The following INPP4B variants were observed in gnomAD, a reference collection of about 807,000 sequenced individuals.
INPP4B encodes the protein inositol polyphosphate-4-phosphatase type II B.
Under a neutral mutation model 122.5 loss-of-function variants are expected in INPP4B, and 55 were observed. That is an observed-to-expected ratio of 0.45 (90% CI 0.36 to 0.56). INPP4B has a LOEUF of 0.56. Among genes scored for constraint, INPP4B ranks in the 20% least tolerant of loss-of-function variants. The pLI, the probability that INPP4B is intolerant of heterozygous loss-of-function variation, is 0.00. For missense variants in INPP4B, 1,000 were observed against 1,097.7 expected, an observed-to-expected ratio of 0.91 and a Z score of 1.26; for synonymous variants, 403 against 388.7, an observed-to-expected ratio of 1.04 and a Z score of -0.43.
rs183990946 is a variant in INPP4B at position 142,098,368 on chromosome 4, A to C, written c.2374+9725T>G. Among the ~76,000 whole-genome samples, 65 of 152,254 alleles carry C rather than the reference A, an allele frequency of 4.3e-4. No individual in the cohort carries two copies. The Middle Eastern group carries it at 0.017, about 40-fold the overall frequency. ...CAAACAACAACAACAACAACAAAAA[A>C]AAAACTAACAACATTGGGGGTTACT... On this transcript the variant is annotated intron_variant, in intron 23 of 25. Coordinates refer to ENST00000262992, the MANE Select transcript of INPP4B (RefSeq NM_001101669.3).
chr4:142,142,291 A>G (rs1394252271), intron 18 of INPP4B, among the ~76,000 whole-genome samples: 1 of 152,166 alleles, frequency 6.6e-6, no homozygotes, highest in Non-Finnish European at 1.5e-5. Flanking sequence ...CACAGAAACA[A>G]GAAATTACAA....
intron 7 of INPP4B, among the ~76,000 whole-genome samples, chr4:142,358,650 T>TTAAA (rs71586284): frequency 8.5e-6 from 1 of 117,654 alleles, no homozygotes; most frequent in African/African-American, 3.3e-5. Flanking sequence ...CAGTGATTTA[T>TTAAA]AAAAAAAAAA....
chr4:142,254,641 G>A (rs921293471), intron 11 of INPP4B, among the ~76,000 whole-genome samples: 3 of 151,894 alleles, frequency 2.0e-5, no homozygotes, highest in Admixed American at 6.6e-5. Context: ...AAGTGAGAAG[G>A]GAAGTTTAGA....
chr4:142,146,941 T>C (rs920990045), intron 17 of INPP4B, among the ~76,000 whole-genome samples: 12 of 152,206 alleles, frequency 7.9e-5, no homozygotes, highest in Non-Finnish European at 1.5e-4. Flanking sequence ...TGCAACTTAA[T>C]TCTTTGATTC....
At chr4:142,702,730 C>CAAAAA (rs35472471) in intron 2 of INPP4B, among the ~76,000 whole-genome samples, 31 of 64,288 alleles carry the variant, frequency 4.8e-4, no homozygotes, top group East Asian at 9.8e-4. Flanking sequence ...AACTCCGTCT[C>CAAAAA]AAAAAAAAAA....
chr4:142,810,029 T>C (rs969974426), intron 1 of INPP4B, among the ~76,000 whole-genome samples: 4 of 151,562 alleles, frequency 2.6e-5, no homozygotes, highest in African/African-American at 9.7e-5. Context: ...AATTAGCTGG[T>C]CATGGTGGTG....
intron 2 of INPP4B, among the ~76,000 whole-genome samples, chr4:142,687,427 A>T (rs1206045316): frequency 2.0e-5 from 3 of 152,020 alleles, no homozygotes; most frequent in African/African-American, 7.2e-5. Context: ...AGAAATGCAA[A>T]GCACAAGCTC....
At chr4:142,636,700 A>T (rs1749231485) in intron 2 of INPP4B, among the ~76,000 whole-genome samples, 1 of 152,100 alleles carries the variant, frequency 6.6e-6, no homozygotes, top group Non-Finnish European at 1.5e-5. Flanking sequence ...TATATGGATT[A>T]TCTAAACCTT....
chr4:142,323,423 C>G (rs558766973), intron 7 of INPP4B, among the ~76,000 whole-genome samples: 1 of 148,116 alleles, frequency 6.8e-6, no homozygotes, highest in Non-Finnish European at 1.5e-5. Flanking sequence ...AAATGAGGTT[C>G]ATTATTACGG....
chr4:142,719,803 C>T (rs191569600), intron 2 of INPP4B, among the ~76,000 whole-genome samples: 2 of 152,034 alleles, frequency 1.3e-5, no homozygotes, highest in African/African-American at 4.8e-5. Context: ...AGTTGAGTAC[C>T]TTGTAACAAC....
At chr4:142,337,420 T>C (rs1017794095) in intron 7 of INPP4B, among the ~76,000 whole-genome samples, 5 of 151,914 alleles carry the variant, frequency 3.3e-5, no homozygotes, top group African/African-American at 1.2e-4. Flanking sequence ...TATTTACCCT[T>C]GAACCATAAG....
intron 17 of INPP4B, among the ~76,000 whole-genome samples, chr4:142,158,729 G>A (rs899849578): frequency 2.0e-5 from 3 of 151,704 alleles, no homozygotes; most frequent in Admixed American, 1.3e-4. Flanking sequence ...TTAATAAAAG[G>A]TTTCAAAAAT....
chr4:142,537,135 G>A (rs1828296044), intron 2 of INPP4B, among the ~76,000 whole-genome samples: 2 of 152,034 alleles, frequency 1.3e-5, no homozygotes, highest in African/African-American at 4.8e-5. Flanking sequence ...GTGATTCATA[G>A]GTAGCAAGAG....
At chr4:142,127,466 C>G (rs982244716) in intron 18 of INPP4B, among the ~76,000 whole-genome samples, 1 of 142,958 alleles carries the variant, frequency 7.0e-6, no homozygotes, top group Non-Finnish European at 1.6e-5. Context: ...AATCAGATGA[C>G]AAAAAAAACA....
Position 142,696,745 on chromosome 4 carries a change from G to A in INPP4B, c.-191+29094C>T, listed in dbSNP as rs1262863546. 2.6e-5 allele frequency among the ~76,000 whole-genome samples: 4 copies of A among 152,152 alleles called. No individual in the cohort carries two copies. The East Asian group carries it at 7.7e-4, about 29-fold the overall frequency. ...ATCCTAATTCACCATGTCCTTTACA[G>A]CCAGCCAGTAGAGAGGCTCAGTAAG... On this transcript the variant is annotated intron_variant, in intron 2 of 25. Transcript: ENST00000262992.
intron 22 of INPP4B, among the ~76,000 whole-genome samples, chr4:142,109,034 AT>A (rs987454249): frequency 2.0e-5 from 3 of 151,982 alleles, no homozygotes; most frequent in Admixed American, 1.3e-4. Context: ...TGTCCCCAAT[AT>A]TTTGGCATTA....
chr4:142,262,244 G>T (rs1263009848), intron 10 of INPP4B, among the ~76,000 whole-genome samples: 1 of 152,110 alleles, frequency 6.6e-6, no homozygotes, highest in African/African-American at 2.4e-5. Flanking sequence ...TTACAGGGGA[G>T]TACACGATCT....
chr4:142,200,370 C>G (rs1250349868), intron 14 of INPP4B, among the ~76,000 whole-genome samples: 1 of 151,872 alleles, frequency 6.6e-6, no homozygotes, highest in Non-Finnish European at 1.5e-5. Context: ...ACCAACTTTC[C>G]AATAAACCTT....
intron 2 of INPP4B, among the ~76,000 whole-genome samples, chr4:142,630,011 T>A (rs1046873662): frequency 6.6e-6 from 1 of 152,080 alleles, no homozygotes; most frequent in African/African-American, 2.4e-5. Context: ...TTTGCTAGGA[T>A]TCTTCTTATT....
Sources: allele counts gnomAD v4.1 joint callset (sites outside exome capture counted in the v4.1 genomes callset), GRCh38; gene constraint gnomAD v4.1.1; transcripts MANE v1.5; gene names NCBI Gene and HGNC (gene_info 2026-07-23, HGNC 2026-07-21).